Variants in SNX2 observed in about 807,000 individuals in gnomAD.
SNX2 encodes the protein sorting nexin 2.
Under a neutral mutation model 69.9 loss-of-function variants are expected in SNX2, and 25 were observed. The observed-to-expected ratio is 0.36, with a 90% confidence interval of 0.26 to 0.50. The LOEUF (loss-of-function observed/expected upper bound fraction) is 0.50. SNX2 is among the 20% of genes least tolerant of loss of function. The pLI is 0.97. For synonymous variants in SNX2, 229 were observed against 200.4 expected, an observed-to-expected ratio of 1.14 and a Z score of -1.20; for missense variants, 551 against 613.3, an observed-to-expected ratio of 0.90 and a Z score of 1.07.
chr5:122,812,640 T>C (rs902323551), intron 7 of SNX2, among the ~76,000 whole-genome samples: 1 of 152,210 alleles, frequency 6.6e-6, no homozygotes, highest in East Asian at 1.9e-4. Context: ...ACATGCTTTA[T>C]CATTTGTATG....
chr5:122,781,140 G>A (rs1439882347), intron 1 of SNX2, among the ~76,000 whole-genome samples: 1 of 152,114 alleles, frequency 6.6e-6, no homozygotes, highest in Non-Finnish European at 1.5e-5. Context: ...AGTTGCTTGC[G>A]ACAGGGATGC....
In SNX2 at chr5:122,832,783, T is replaced by C. The variant is rs140659709; in HGVS notation, c.*3135T>C. On this transcript the variant is annotated 3_prime_UTR_variant, in exon 15 of 15. Transcript: ENST00000379516. The stretch of plus-strand genomic sequence containing the variant: ...AAGGGAATTATAGAGACTTCCATTA[T>C]TCTGCCTTAAATAAGGGATGTTACT... The C allele has an allele frequency of 2.8e-4, 43 of 152,376 alleles. No homozygotes were observed. The highest frequency in any genetic ancestry group is 9.6e-4 in the African/African-American group (40 of 41,598). The allele number at this position is 152,376 out of a possible 1,614,324, so 9.4% of individuals were successfully genotyped here.
At chr5:122,827,509 T>G in intron 13 of SNX2, 50 bp downstream of exon 13, 2 of 1,602,794 alleles carry the variant, frequency 1.2e-6, no homozygotes, top group Non-Finnish European at 1.7e-6. Context: ...CACATTTTGC[T>G]GCAATTTTGT....
intron 11 of SNX2, among the ~76,000 whole-genome samples, chr5:122,821,877 A>G (rs754798492): frequency 1.3e-5 from 2 of 152,192 alleles, no homozygotes; most frequent in African/African-American, 2.4e-5. Flanking sequence ...TAAAGATTCT[A>G]TAAGTAGAAT....
At chr5:122,791,816 T>A (rs1219950186) in intron 1 of SNX2, among the ~76,000 whole-genome samples, 1 of 152,254 alleles carries the variant, frequency 6.6e-6, no homozygotes, top group African/African-American at 2.4e-5. Context: ...TAAATGATAG[T>A]CATTGAGTGT....
intron 6 of SNX2, 132 bp from the exon 7 acceptor site, chr5:122,808,145 A>T: frequency 1.9e-6 from 1 of 534,680 alleles, no homozygotes; most frequent in Middle Eastern, 3.2e-4. Context: ...TGCTTTTTAG[A>T]TAAGATACCA....
chr5:122,804,093 C>A (rs1437099921), intron 6 of SNX2, among the ~76,000 whole-genome samples: 1 of 151,554 alleles, frequency 6.6e-6, no homozygotes, highest in Admixed American at 6.6e-5. Context: ...GAGCTGAGAT[C>A]ACGCCTGGGC....
intron 7 of SNX2, 50 bp from the exon 8 acceptor site, chr5:122,815,845 CT>C (rs1293103661): frequency 2.1e-6 from 2 of 952,800 alleles, no homozygotes; most frequent in Non-Finnish European, 3.2e-6. Flanking sequence ...TTTTGTTGAA[CT>C]GTAATTCAAG....
At position 122,816,896 on chromosome 5, in the gene SNX2, A is replaced by G. The variant is rs770141024; in HGVS notation, c.799-19A>G. The G allele has an allele frequency of 1.1e-5, 16 of 1,521,250 alleles. No individual in the cohort carries two copies. The highest frequency in any genetic ancestry group is 9.1e-5 in the South Asian group (8 of 87,848). 94.2% of individuals were successfully genotyped at this position (1,521,250 alleles called of 1,614,324 possible). ...GCTTTTAACCGGTTTGTTTGCCCTT[A>G]TTTGTCATTCAATTCCAGCTGCCTA... On this transcript the variant is annotated intron_variant, in intron 8 of 14. Coordinates refer to ENST00000379516, the MANE Select transcript of SNX2 (RefSeq NM_003100.4).
At chr5:122,799,154 A>T (rs1160215655) in intron 2 of SNX2, among the ~76,000 whole-genome samples, 1 of 152,126 alleles carries the variant, frequency 6.6e-6, no homozygotes, top group African/African-American at 2.4e-5. Context: ...AAACCTAAAC[A>T]CCTATTTGTT....
chr5:122,814,661 AAAG>A (rs1178011494), intron 7 of SNX2, among the ~76,000 whole-genome samples: 1 of 152,234 alleles, frequency 6.6e-6, no homozygotes, highest in Non-Finnish European at 1.5e-5. Flanking sequence ...CATTTATTCT[AAAG>A]AAATAAAATA....
rs140520570 is a variant in SNX2, at chr5:122,775,204, C to T, written c.101C>T (p.Thr34Ile). 2 of 1,571,888 alleles carry T rather than the reference C, an allele frequency of 1.3e-6. No individual in the cohort carries two copies. The highest frequency in any genetic ancestry group is 1.9e-5 in the Admixed American group (1 of 52,424). ...GACCTGTTCACCAGCACTGTCTCCA[C>T]CCTAGAGGTGAGACCGCGTCGCTGC... Reference protein sequence around the residue: ...GEDLFTSTVSTLESSPSSPEP... With the variant: ...GEDLFTSTVSILESSPSSPEP... Residue 34 changes from threonine (T) to isoleucine (I), a missense_variant, in exon 1 of 15, where the codon ACC becomes ATC. Physicochemically the swap from Thr to Ile is moderately conservative, Grantham distance 89. This residue lies in a region of SNX2 where 191 missense variants were observed against 162.9 expected (regional missense o/e 1.17). Coordinates refer to ENST00000379516, the MANE Select transcript of SNX2 (RefSeq NM_003100.4).
chr5:122,784,793 G>A (rs1225826923), intron 1 of SNX2, among the ~76,000 whole-genome samples: 1 of 152,122 alleles, frequency 6.6e-6, no homozygotes, highest in Non-Finnish European at 1.5e-5. Flanking sequence ...TTCTTGAAGA[G>A]GTTGTGTGGA....
intron 2 of SNX2, among the ~76,000 whole-genome samples, chr5:122,795,908 G>A (rs972432712): frequency 6.6e-6 from 1 of 152,110 alleles, no homozygotes; most frequent in African/African-American, 2.4e-5. Context: ...CCTAACTTAA[G>A]AAGGACTCTG....
intron 1 of SNX2, among the ~76,000 whole-genome samples, chr5:122,777,191 T>C (rs983835154): frequency 2.0e-5 from 3 of 152,244 alleles, no homozygotes; most frequent in African/African-American, 7.2e-5. Context: ...AGTATTCATC[T>C]TTAAAATGCA....
At chr5:122,820,514 G>A (rs561141509) in intron 11 of SNX2, among the ~76,000 whole-genome samples, 2 of 151,732 alleles carry the variant, frequency 1.3e-5, no homozygotes, top group East Asian at 1.9e-4. Flanking sequence ...CCAGCCTGGC[G>A]ACAGAGACTC....
chr5:122,778,827 T>C (rs199898942), intron 1 of SNX2, among the ~76,000 whole-genome samples: 1 of 152,164 alleles, frequency 6.6e-6, no homozygotes, highest in African/African-American at 2.4e-5. Context: ...TCAAAATTAA[T>C]AACAGCCACA....
intron 6 of SNX2, among the ~76,000 whole-genome samples, chr5:122,806,168 A>ACACACACACACACACACACACACCCC (rs1491247026): frequency 6.9e-6 from 1 of 145,644 alleles, no homozygotes; most frequent in African/African-American, 2.5e-5. Context: ...ACACACACAC[A>ACACACACACACACACACACACACCCC]GCCCACCATT....
intron 7 of SNX2, 169 bp downstream of exon 7, chr5:122,808,524 A>G: frequency 1.9e-6 from 1 of 523,184 alleles, no homozygotes; most frequent in Non-Finnish European, 3.4e-6. Flanking sequence ...TCTTTCAACA[A>G]AGTACTGTAT....
Sources: allele counts gnomAD v4.1 joint callset (sites outside exome capture counted in the v4.1 genomes callset), GRCh38; gene constraint gnomAD v4.1.1; regional missense constraint gnomAD v4.1.1; transcripts MANE v1.5; gene names NCBI Gene and HGNC (gene_info 2026-07-23, HGNC 2026-07-21).